The following CYSTM1 variants were observed in gnomAD, a reference collection of about 807,000 sequenced individuals.
CYSTM1 encodes the protein cysteine-rich transmembrane module-containing protein 1.
In CYSTM1, 4 loss-of-function variants were observed where a neutral mutation model predicts 13.1. The observed-to-expected ratio is 0.31, with a 90% CI of 0.15 to 0.70. The LOEUF (loss-of-function observed/expected upper bound fraction) is 0.70. Among genes scored for constraint, CYSTM1 ranks in the 30% least tolerant of loss-of-function variants. The pLI is 0.72. For synonymous variants in CYSTM1, 36 were observed against 42.7 expected, an observed-to-expected ratio of 0.84 and a Z score of 0.62; for missense variants, 96 against 121.6, an observed-to-expected ratio of 0.79 and a Z score of 0.99.
In CYSTM1 at chr5:140,219,267, T is replaced by C. The variant is rs1764463850; in HGVS notation, c.188-24038T>C. Among the ~76,000 whole-genome samples the C allele has an allele frequency of 6.6e-6, 1 of 152,204 alleles. No homozygotes were observed. Among genetic ancestry groups the C allele is most frequent in the Non-Finnish European group, 1.5e-5 (1 of 68,032 alleles). The stretch of plus-strand genomic sequence containing the variant: ...CCCTTGATTCTAGGTGGATGTCAGC[T>C]TGTGTTACAAAACAGTGTTACGAAA... On this transcript the variant is annotated intron_variant, in intron 2 of 2. Transcript: ENST00000261811. The surrounding 1 kb of genome is among the most constrained non-coding windows in gnomAD (Gnocchi z 4.1).
chr5:140,215,484 TG>T (rs776303767), intron 2 of CYSTM1, among the ~76,000 whole-genome samples: 32 of 142,254 alleles, frequency 2.2e-4, no homozygotes, highest in Non-Finnish European at 3.9e-4. Flanking sequence ...TTCCTGTTCC[TG>T]GGTTATACCC....
chr5:140,240,885 A>C (rs2126674022), intron 2 of CYSTM1, among the ~76,000 whole-genome samples: 1 of 152,234 alleles, frequency 6.6e-6, no homozygotes. Context: ...CCATCCTCCC[A>C]ACAGCCCAGG....
At chr5:140,228,986 A>G in intron 2 of CYSTM1, 1 of 393,228 alleles carries the variant, frequency 2.5e-6, no homozygotes, top group Non-Finnish European at 4.5e-6. Context: ...GTGAAATGGT[A>G]TCTCACTAAT....
At chr5:140,186,828 A>G (rs142881239) in intron 1 of CYSTM1, among the ~76,000 whole-genome samples, 281 of 152,324 alleles carry the variant, frequency 1.8e-3, no homozygotes, top group Middle Eastern at 0.014. Flanking sequence ...ATGGCAGTAT[A>G]AAACTCAGTA....
In CYSTM1 at chr5:140,227,908, A is replaced by G. The variant is rs191435589; in HGVS notation, c.188-15397A>G. Among the ~76,000 whole-genome samples, 16 of 152,276 alleles carry G rather than the reference A, an allele frequency of 1.1e-4. No individual in the cohort carries two copies. The East Asian group carries it at 3.1e-3, about 29-fold the overall frequency. ...CACACCCTGACCTTTAAGTTCTTGT[A>G]TATTTCAGAAATGTGTGTGTGTGTA... On this transcript the variant is annotated intron_variant, in intron 2 of 2. Coordinates refer to ENST00000261811, the MANE Select transcript of CYSTM1 (RefSeq NM_032412.4).
chr5:140,195,510 CG>C (rs1435025059), intron 2 of CYSTM1, among the ~76,000 whole-genome samples: 1 of 144,924 alleles, frequency 6.9e-6, no homozygotes, highest in Non-Finnish European at 1.5e-5. Context: ...GGCGCGATCT[CG>C]GCTCACTGCA....
chr5:140,223,015 C>G (rs766758314), intron 2 of CYSTM1, among the ~76,000 whole-genome samples: 3 of 152,222 alleles, frequency 2.0e-5, no homozygotes, highest in Non-Finnish European at 4.4e-5. Flanking sequence ...CATCTAGATA[C>G]TCACCTTGAG....
intron 2 of CYSTM1, among the ~76,000 whole-genome samples, chr5:140,237,895 G>A (rs1035622614): frequency 2.0e-5 from 3 of 152,168 alleles, no homozygotes; most frequent in Admixed American, 1.3e-4. Flanking sequence ...TGCCACTTCA[G>A]GATGGTGGCA....
chr5:140,211,853 A>G (rs1418457854), intron 2 of CYSTM1, among the ~76,000 whole-genome samples: 5 of 152,192 alleles, frequency 3.3e-5, no homozygotes. Flanking sequence ...AGACTGAGGC[A>G]GGAGAATTGC....
intron 2 of CYSTM1, among the ~76,000 whole-genome samples, chr5:140,226,586 TTATA>T (rs549334525): frequency 0.027 from 2,064 of 75,260 alleles, 94 homozygotes; most frequent in Non-Finnish European, 0.036. Context: ...ATACTAAATA[TTATA>T]TATATATATA....
At chr5:140,183,495 C>T (rs1334803790) in intron 1 of CYSTM1, among the ~76,000 whole-genome samples, 1 of 152,110 alleles carries the variant, frequency 6.6e-6, no homozygotes, top group Non-Finnish European at 1.5e-5. Flanking sequence ...TTCAGAGATC[C>T]CTACCCTATT....
At chr5:140,231,638 A>G (rs1764618220) in intron 2 of CYSTM1, among the ~76,000 whole-genome samples, 1 of 152,264 alleles carries the variant, frequency 6.6e-6, no homozygotes, top group Non-Finnish European at 1.5e-5. Flanking sequence ...GCACAGTCCA[A>G]GAAGGCTTCC....
intron 2 of CYSTM1, among the ~76,000 whole-genome samples, chr5:140,242,382 G>A (rs1169183157): frequency 6.6e-6 from 1 of 152,080 alleles, no homozygotes; most frequent in Admixed American, 6.5e-5. Context: ...CAAAACACAA[G>A]AAAACTGAAA....
At chr5:140,176,974 CAGG>C (rs1417878112) in intron 1 of CYSTM1, among the ~76,000 whole-genome samples, 35 of 149,420 alleles carry the variant, frequency 2.3e-4, no homozygotes, top group African/African-American at 8.4e-4. Context: ...GAGGCTGAGG[CAGG>C]AGAATGGCGT....
intron 2 of CYSTM1, among the ~76,000 whole-genome samples, chr5:140,236,997 C>T (rs1433045098): frequency 1.3e-5 from 2 of 152,210 alleles, no homozygotes; most frequent in Non-Finnish European, 2.9e-5. Context: ...GAGTTACACA[C>T]GAGGGAGGAT....
intron 2 of CYSTM1, among the ~76,000 whole-genome samples, chr5:140,232,433 G>A (rs370967380): frequency 1.2e-4 from 19 of 152,164 alleles, no homozygotes; most frequent in African/African-American, 4.6e-4. Flanking sequence ...TGAGCTTTAA[G>A]GAATTCTGGA....
chr5:140,219,191 G>A lies in CYSTM1; in HGVS notation c.188-24114G>A, dbSNP rs1764463128. On this transcript the variant is annotated intron_variant, in intron 2 of 2. Coordinates refer to ENST00000261811, the MANE Select transcript of CYSTM1 (RefSeq NM_032412.4). This position sits in a 1 kb window ranked among gnomAD's most constrained non-coding sequence, Gnocchi z 4.1. The stretch of plus-strand genomic sequence containing the variant: ...TGGTGAAGTCTCTAGCCTCACATTT[G>A]CCAAATAATCACATCTCAGTGGGTA... 6.6e-6 allele frequency among the ~76,000 whole-genome samples: 1 copy of A among 152,094 alleles called. No individual in the cohort carries two copies. Among genetic ancestry groups the A allele is most frequent in the Admixed American group, 6.6e-5 (1 of 15,254 alleles).
intron 1 of CYSTM1, among the ~76,000 whole-genome samples, chr5:140,176,110 T>C (rs1216066176): frequency 6.6e-6 from 1 of 152,106 alleles, no homozygotes; most frequent in South Asian, 2.1e-4. Flanking sequence ...GAAAGGACCC[T>C]TGAGTGCCCA....
intron 2 of CYSTM1, among the ~76,000 whole-genome samples, chr5:140,210,764 G>C (rs999023035): frequency 6.6e-6 from 1 of 151,954 alleles, no homozygotes; most frequent in East Asian, 1.9e-4. Context: ...TGCCCGCCTC[G>C]GCCTCCCAAA....
Sources: gnomAD v4.1 joint callset for allele counts (sites outside exome capture counted in the v4.1 genomes callset) on GRCh38, gnomAD v4.1.1 for gene constraint, Gnocchi (gnomAD v3.1) non-coding constraint, MANE v1.5 for transcripts, NCBI Gene and HGNC (gene_info 2026-07-23, HGNC 2026-07-21) for gene names.